Variants in RANBP2 observed in about 807,000 individuals in gnomAD.
RANBP2 encodes RAN binding protein 2, also known as E3 SUMO-protein ligase RanBP2.
Under a neutral mutation model 303.6 loss-of-function variants are expected in RANBP2, and 57 were observed. That is an observed-to-expected ratio of 0.19 (90% CI 0.15 to 0.23). The LOEUF is 0.23. Among genes scored for constraint, RANBP2 ranks in the 10% least tolerant of loss-of-function variants. The pLI, the probability that RANBP2 is intolerant of heterozygous loss-of-function variation, is 1.00. For missense variants in RANBP2, 3,138 were observed against 3,780.8 expected (o/e 0.83, Z 4.46); for synonymous variants, 1,167 against 1,301.5 (o/e 0.90, Z 2.23).
At chr2:109,217,018 G>A in the RANBP2 span, among the ~76,000 whole-genome samples, 2 of 152,132 alleles carry the variant, frequency 1.3e-5, no homozygotes, top group Admixed American at 6.5e-5. Context: ...GATTTAAGTG[G>A]AATTACACAG....
At chr2:109,398,571 T>C in the RANBP2 span, 1 of 1,532,166 alleles carries the variant, frequency 6.5e-7, no homozygotes, top group Non-Finnish European at 8.8e-7. Flanking sequence ...CAGCCTCCCC[T>C]CTCCCCTTTC....
the RANBP2 span, among the ~76,000 whole-genome samples, chr2:108,810,812 T>C: frequency 6.6e-6 from 1 of 152,238 alleles, no homozygotes; most frequent in African/African-American, 2.4e-5. Context: ...AGCCATTTAG[T>C]TCGGGCTTTT....
At chr2:109,110,241 T>C in the RANBP2 span, among the ~76,000 whole-genome samples, 3 of 152,330 alleles carry the variant, frequency 2.0e-5, no homozygotes, top group Non-Finnish European at 4.4e-5. Context: ...ATAGGAGGCA[T>C]TGTTTGCCTT....
chr2:109,011,550 T>G, the RANBP2 span, among the ~76,000 whole-genome samples: 1 of 152,232 alleles, frequency 6.6e-6, no homozygotes, highest in Non-Finnish European at 1.5e-5. Flanking sequence ...TCACCCATTG[T>G]GTTGGGCGCT....
the RANBP2 span, among the ~76,000 whole-genome samples, chr2:109,527,401 T>C: frequency 2.0e-5 from 3 of 152,096 alleles, no homozygotes; most frequent in Non-Finnish European, 4.4e-5. Context: ...TTGAGTAACA[T>C]AAGAAACAGA....
At chr2:108,895,673 T>C in the RANBP2 span, 22 of 152,348 alleles carry the variant, frequency 1.4e-4, no homozygotes, top group African/African-American at 5.3e-4. Flanking sequence ...CCTGCCCCAA[T>C]TATAGAATCA....
At chr2:109,585,324 G>A in the RANBP2 span, 1 of 1,594,510 alleles carries the variant, frequency 6.3e-7, no homozygotes, top group Non-Finnish European at 8.5e-7. Flanking sequence ...AGTTTCCCCT[G>A]AAACACACAA....
the RANBP2 span, among the ~76,000 whole-genome samples, chr2:109,047,295 C>G: frequency 6.6e-6 from 1 of 152,202 alleles, no homozygotes; most frequent in South Asian, 2.1e-4. Context: ...TGCAGAGCCA[C>G]TCTTCCTAGA....
chr2:109,199,219 C>T, the RANBP2 span, among the ~76,000 whole-genome samples: 2 of 149,992 alleles, frequency 1.3e-5, no homozygotes, highest in South Asian at 4.2e-4. Flanking sequence ...ATTAGCCAGG[C>T]GTGGTGGCGG....
the RANBP2 span, chr2:109,251,351 C>G: frequency 1.8e-6 from 1 of 564,786 alleles, no homozygotes; most frequent in African/African-American, 1.9e-5. Flanking sequence ...AGACACCCGG[C>G]CTGCCGCGGG....
the RANBP2 span, among the ~76,000 whole-genome samples, chr2:109,398,329 G>A: frequency 6.6e-6 from 1 of 152,170 alleles, no homozygotes; most frequent in African/African-American, 2.4e-5. Flanking sequence ...GGGGCGACAA[G>A]GTAGTGGCCC....
At chr2:109,624,585 C>T in the RANBP2 span, among the ~76,000 whole-genome samples, 1 of 152,090 alleles carries the variant, frequency 6.6e-6, no homozygotes, top group Non-Finnish European at 1.5e-5. Flanking sequence ...TCTGATCGTA[C>T]CAAGTGCTGC....
chr2:109,212,317 G>C, the RANBP2 span, among the ~76,000 whole-genome samples: 1 of 152,234 alleles, frequency 6.6e-6, no homozygotes, highest in Non-Finnish European at 1.5e-5. Context: ...AGGAGGGGCA[G>C]TTTTCAATTA....
the RANBP2 span, among the ~76,000 whole-genome samples, chr2:109,130,895 C>T: frequency 5.9e-5 from 9 of 152,034 alleles, no homozygotes; most frequent in African/African-American, 1.9e-4. Context: ...TATTACACAC[C>T]CTTGCCACCT....
the RANBP2 span, among the ~76,000 whole-genome samples, chr2:109,578,245 G>T: frequency 1.3e-5 from 2 of 152,136 alleles, no homozygotes; most frequent in African/African-American, 2.4e-5. Flanking sequence ...GGTAACCATT[G>T]TCAGATTGTG....
At chr2:109,072,382 C>G in the RANBP2 span, among the ~76,000 whole-genome samples, 1 of 152,170 alleles carries the variant, frequency 6.6e-6, no homozygotes, top group Non-Finnish European at 1.5e-5. Context: ...ACTCTCCAGG[C>G]TTTCCTGCAT....
At chr2:109,081,893 G>C in the RANBP2 span, among the ~76,000 whole-genome samples, 2 of 152,210 alleles carry the variant, frequency 1.3e-5, no homozygotes, top group African/African-American at 4.8e-5. Flanking sequence ...AGATCACTGG[G>C]GGATGGCCAG....
chr2:109,642,607 G>A, the RANBP2 span, among the ~76,000 whole-genome samples: 1 of 151,726 alleles, frequency 6.6e-6, no homozygotes, highest in Non-Finnish European at 1.5e-5. Context: ...AAATTAGCTG[G>A]GCATGGTGAC....
the RANBP2 span, among the ~76,000 whole-genome samples, chr2:109,126,815 C>A: frequency 6.6e-5 from 10 of 152,324 alleles, no homozygotes; most frequent in South Asian, 4.1e-4. Context: ...GAGTTGGTTT[C>A]TGTTGCTTGC....
Sources: gnomAD v4.1 joint callset for allele counts (sites outside exome capture counted in the v4.1 genomes callset) on GRCh38, gnomAD v4.1.1 for gene constraint, MANE v1.5 for transcripts, NCBI Gene and HGNC (gene_info 2026-07-23, HGNC 2026-07-21) for gene names.